Variants in SMS observed in about 807,000 individuals in gnomAD.
The protein encoded by SMS is spermine synthase.
A neutral mutation model predicts 33.0 loss-of-function variants in SMS; 3 were observed. The ratio of observed to expected loss-of-function variants is 0.09; its 90% CI spans 0.04 to 0.23. The LOEUF (loss-of-function observed/expected upper bound fraction) is 0.23. Among genes scored for constraint, SMS ranks in the 10% least tolerant of loss-of-function variants. The pLI, the probability that SMS is intolerant of heterozygous loss-of-function variation, is 1.00. For missense variants in SMS, 117 were observed against 288.6 expected (o/e 0.41, Z 4.31); for synonymous variants, 103 against 112.2 (o/e 0.92, Z 0.52).
chrX:21,963,598 G>T (rs1453663863), intron 1 of SMS, among the ~76,000 whole-genome samples: 1 of 111,954 alleles, frequency 8.9e-6, no homozygotes, highest in East Asian at 2.8e-4. Flanking sequence ...GTTAGAAAAA[G>T]GGGATGGCCA....
chrX:21,975,869 G>A (rs968000802), intron 4 of SMS, among the ~76,000 whole-genome samples: 2 of 110,720 alleles, frequency 1.8e-5, no homozygotes, highest in African/African-American at 6.6e-5. Flanking sequence ...GAGCAGGGAA[G>A]GGAAAGAGAC....
chrX:21,976,880 A>G (rs1259204866), intron 4 of SMS, among the ~76,000 whole-genome samples, 181 bp from the exon 5 acceptor site: 4 of 112,626 alleles, frequency 3.6e-5, no homozygotes, highest in South Asian at 7.2e-4. Flanking sequence ...ACTGTGTACA[A>G]TAGTTGTCAA....
rs1233870821 is a variant in SMS at position 21,985,124 on chromosome X, T to G, written c.866-20T>G. The G allele has an allele frequency of 9.4e-7, 1 of 1,060,843 alleles. No individual in the cohort carries two copies. The highest frequency in any genetic ancestry group is 1.8e-5 in the African/African-American group (1 of 54,995). 87.4% of individuals were successfully genotyped at this position (1,060,843 alleles called of 1,213,427 possible). On this transcript the variant is annotated intron_variant, in intron 8 of 10. Coordinates refer to ENST00000404933, the MANE Select transcript of SMS (RefSeq NM_004595.5). ...ACATACAAACCCATATTTATGAAAC[T>G]TGTTCTTTTAAACATTCAGATTCCA...
intron 9 of SMS, among the ~76,000 whole-genome samples, chrX:21,988,890 T>C (rs776718721): frequency 7.3e-5 from 8 of 109,673 alleles, no homozygotes; most frequent in East Asian, 2.9e-4. Context: ...AGAATTTGAA[T>C]TGGGGAGGAA....
At chrX:21,973,870 G>A (rs1924356133) in intron 4 of SMS, among the ~76,000 whole-genome samples, 1 of 113,351 alleles carries the variant, frequency 8.8e-6, no homozygotes, top group South Asian at 3.6e-4. Context: ...TTTGCCAGTG[G>A]TGTCAGATTT....
At chrX:21,976,678 C>G (rs961126395) in intron 4 of SMS, among the ~76,000 whole-genome samples, 1 of 111,402 alleles carries the variant, frequency 9.0e-6, no homozygotes, top group Non-Finnish European at 1.9e-5. Context: ...TGAAGATGGA[C>G]TCTGTACTAG....
chrX:21,988,538 G>A (rs1332349915), intron 9 of SMS, among the ~76,000 whole-genome samples: 1 of 109,388 alleles, frequency 9.1e-6, no homozygotes, highest in Non-Finnish European at 1.9e-5. Context: ...GGTGGCAGAC[G>A]CCTGTAGTCC....
At chrX:21,969,400 T>C (rs749200572) in intron 2 of SMS, among the ~76,000 whole-genome samples, 1 of 112,035 alleles carries the variant, frequency 8.9e-6, no homozygotes, top group South Asian at 3.8e-4. Context: ...TGTGACCCAG[T>C]TGATGGATGG....
At chrX:21,988,722 TTG>T (rs1409603234) in intron 9 of SMS, among the ~76,000 whole-genome samples, 1 of 105,403 alleles carries the variant, frequency 9.5e-6, no homozygotes, top group Non-Finnish European at 1.9e-5. Context: ...GATGAAAATG[TTG>T]TGTTTTACAA....
chrX:21,992,109 T>C lies in SMS; in HGVS notation c.946-488T>C, dbSNP rs1270298203. ...TCCTGAATAAACTTTTGTTCTCTTA[T>C]ACACAGATTCTAGGAAAAAAATGGG... is the stretch of plus-strand genomic sequence containing the variant. On this transcript the variant is annotated intron_variant, in intron 9 of 10. Transcript: ENST00000404933. Among the ~76,000 whole-genome samples the C allele has an allele frequency of 3.6e-5, 4 of 112,467 alleles. No individual in the cohort carries two copies. The South Asian group carries it at 1.5e-3, about 41-fold the overall frequency.
At chrX:21,949,856 CTT>C (rs1203895506) in intron 1 of SMS, among the ~76,000 whole-genome samples, 1 of 110,531 alleles carries the variant, frequency 9.0e-6, no homozygotes, top group Non-Finnish European at 1.9e-5. Flanking sequence ...AAATCTGAAA[CTT>C]TGAGCACCGA....
chrX:21,941,329 G>C (rs1053719850), intron 1 of SMS: 157 of 240,249 alleles, frequency 6.5e-4, no homozygotes, highest in Non-Finnish European at 1.1e-3. Flanking sequence ...TGCGCCGAGC[G>C]GGGCTGCCCG....
intron 2 of SMS, among the ~76,000 whole-genome samples, chrX:21,969,838 C>T (rs1924000592): frequency 8.9e-6 from 1 of 112,738 alleles, no homozygotes; most frequent in South Asian, 3.6e-4. Flanking sequence ...TTTTTGAGAC[C>T]GAATCTTGCT....
chrX:21,967,104 ATTTT>A (rs2147507931), intron 1 of SMS, 88 bp from the exon 2 acceptor site: 1 of 563,963 alleles, frequency 1.8e-6, no homozygotes, highest in African/African-American at 2.6e-5. Context: ...TTATTTATTT[ATTTT>A]TAAGCTCAGT....
At chrX:21,962,026 T>G (rs1222743131) in intron 1 of SMS, among the ~76,000 whole-genome samples, 1 of 112,456 alleles carries the variant, frequency 8.9e-6, no homozygotes, top group African/African-American at 3.2e-5. Flanking sequence ...TTCTCAAGTT[T>G]GGGTATATTC....
chrX:21,972,712 C>T (rs1924256440), intron 4 of SMS, 141 bp downstream of exon 4: 1 of 490,965 alleles, frequency 2.0e-6, no homozygotes, highest in South Asian at 2.6e-5. Context: ...AGTTTGAGAC[C>T]AGCCTGGCCA....
intron 7 of SMS, among the ~76,000 whole-genome samples, 192 bp downstream of exon 7, chrX:21,979,158 C>G (rs750366515): frequency 9.5e-6 from 1 of 105,061 alleles, no homozygotes; most frequent in South Asian, 4.6e-4. Context: ...AGCACCAACT[C>G]CAGATTCTCT....
chrX:21,965,510 C>T (rs968275409), intron 1 of SMS, among the ~76,000 whole-genome samples: 7 of 100,366 alleles, frequency 7.0e-5, no homozygotes, highest in East Asian at 6.3e-4. Flanking sequence ...ATGGGCCGGG[C>T]GCGGCGGATC....
intron 1 of SMS, among the ~76,000 whole-genome samples, chrX:21,952,777 G>C (rs899837480): frequency 9.2e-6 from 1 of 109,126 alleles, no homozygotes; most frequent in African/African-American, 3.3e-5. Flanking sequence ...CGGTCTTGCT[G>C]TGTCACCCAG....
Sources: gnomAD v4.1 joint callset for allele counts (sites outside exome capture counted in the v4.1 genomes callset) on GRCh38, gnomAD v4.1.1 for gene constraint, MANE v1.5 for transcripts, NCBI Gene and HGNC (gene_info 2026-07-23, HGNC 2026-07-21) for gene names.